EPHA2: variants seen among roughly 807,000 people sequenced by gnomAD.
The protein encoded by EPHA2 is EPH receptor A2, also known as ephrin type-A receptor 2.
EPHA2 carries 54 observed loss-of-function variants against 104.9 expected under a neutral mutation model. That is an observed-to-expected ratio of 0.51 (90% confidence interval 0.41 to 0.65). EPHA2 has a LOEUF of 0.65. Ranked by LOEUF, EPHA2 falls within the 30% of genes least tolerant of loss-of-function variation. The pLI is 0.00. For missense variants in EPHA2, 1,117 were observed against 1,369.5 expected (o/e 0.82, Z 2.91); for synonymous variants, 560 against 559.1 (o/e 1.00, Z -0.02).
Position 16,134,276 on chromosome 1 carries a change from C to T in EPHA2, c.1682+192G>A, listed in dbSNP as rs761283257. On this transcript the variant is annotated intron_variant, in intron 8 of 16. Coordinates refer to ENST00000358432, the MANE Select transcript of EPHA2 (RefSeq NM_004431.5). This position sits in a 1 kb window ranked among gnomAD's most constrained non-coding sequence, Gnocchi z 4.5. ...CAACAAGAGCAGAGGTAATGACCCC[C>T]GTGTCCCGGCCCCGCCGCGTGCCAG... 1.3e-5 allele frequency among the ~76,000 whole-genome samples: 2 copies of T among 152,098 alleles called. No homozygotes were observed. Among genetic ancestry groups the T allele is most frequent in the South Asian group, 2.1e-4 (1 of 4,820 alleles).
chr1:16,154,428 A>C (rs368809779), intron 1 of EPHA2, among the ~76,000 whole-genome samples: 20 of 152,188 alleles, frequency 1.3e-4, no homozygotes, highest in Middle Eastern at 3.4e-3. Context: ...ACAGAACAGC[A>C]AAACCTCCAA....
chr1:16,141,877 G>C (rs1016013207), intron 3 of EPHA2, among the ~76,000 whole-genome samples: 1 of 152,222 alleles, frequency 6.6e-6, no homozygotes, highest in Non-Finnish European at 1.5e-5. Flanking sequence ...CCTGCCTGAC[G>C]AGATGTGCTT....
In EPHA2 at chr1:16,133,329, G is replaced by T; in HGVS notation, c.1904C>A (p.Ser635Tyr). ...CACCGGCACCTCCTTCTTCCCCGAG[G>T]ATGTCTTCAGCATGCCCTTGTACAC... ...GEVYKGMLKT[S>Y]SGKKEVPVAI... is the part of the protein sequence containing the mutation. The change falls in exon 11 of 17, where the codon TCC becomes TAC. Residue 635 changes from serine to tyrosine, a missense_variant. Around this residue, in one of 3 missense-constraint regions of EPHA2, gnomAD observed 113 missense variants for 104.3 expected, o/e 1.08. Coordinates refer to ENST00000358432, the MANE Select transcript of EPHA2 (RefSeq NM_004431.5). 1.2e-6 allele frequency: 2 copies of T among 1,613,810 alleles called. No individual in the cohort carries two copies. Among genetic ancestry groups the T allele is most frequent in the Non-Finnish European group, 1.7e-6 (2 of 1,179,954 alleles).
At chr1:16,137,608 G>C (rs576970352) in intron 5 of EPHA2, among the ~76,000 whole-genome samples, 1 of 152,172 alleles carries the variant, frequency 6.6e-6, no homozygotes, top group African/African-American at 2.4e-5. Flanking sequence ...AAAAAAAAGG[G>C]AAAAATATTG....
At chr1:16,151,634 C>T (rs2025038955) in intron 1 of EPHA2, among the ~76,000 whole-genome samples, 1 of 152,160 alleles carries the variant, frequency 6.6e-6, no homozygotes, top group Non-Finnish European at 1.5e-5. Flanking sequence ...AGGATAAAGC[C>T]CTGGACCCAT....
Position 16,135,568 on chromosome 1 carries a change from G to T in EPHA2, c.1428+87C>A. ...CTGCAGAAGGGTGCTTCTTCAGATGGCTGGGTGGTTTGGTGATCATCTATG... is the reference window on the plus strand; with the variant it reads ...CTGCAGAAGGGTGCTTCTTCAGATGTCTGGGTGGTTTGGTGATCATCTATG... On this transcript the variant is annotated intron_variant, in intron 6 of 16. Transcript: ENST00000358432. This position sits in a 1 kb window ranked among gnomAD's most constrained non-coding sequence, Gnocchi z 4.3. 1 of 1,298,982 alleles carries T rather than the reference G, an allele frequency of 7.7e-7. No individual in the cohort carries two copies. The highest frequency in any genetic ancestry group is 1.1e-6 in the Non-Finnish European group (1 of 894,882). 80.5% of individuals were successfully genotyped at this position (1,298,982 alleles called of 1,614,324 possible). A position where few individuals can be genotyped will look rare whatever the true frequency, so the allele number is the denominator to read the frequency against.
At chr1:16,133,652 C>T (rs1479017768) in intron 9 of EPHA2, 46 bp from the exon 10 acceptor site, 2 of 1,611,714 alleles carry the variant, frequency 1.2e-6, no homozygotes, top group Non-Finnish European at 1.7e-6. Context: ...GGAGGGGCCC[C>T]ATGGGGGGTG....
At chr1:16,153,116 C>T in intron 1 of EPHA2, 2 of 943,660 alleles carry the variant, frequency 2.1e-6, no homozygotes, top group Non-Finnish European at 2.5e-6. Flanking sequence ...CCCTTACCTT[C>T]CCATTTCTGG....
intron 3 of EPHA2, among the ~76,000 whole-genome samples, chr1:16,147,308 G>A (rs1354852287): frequency 3.3e-5 from 5 of 152,242 alleles, no homozygotes; most frequent in Admixed American, 2.0e-4. Flanking sequence ...TGGCCCTGGG[G>A]ACATTCAGAC....
rs114580482 is a variant in EPHA2, at chr1:16,130,705, C to T, written c.2476-286G>A. 0.022 allele frequency among the ~76,000 whole-genome samples: 3,332 copies of T among 152,112 alleles called. 57 individuals are homozygous for T. The highest frequency in any genetic ancestry group is 0.032 in the Non-Finnish European group (2,183 of 67,988). ...AGTGCAGTGGCGCTATCACACCTCACGGCAGCCTCAACCTCCTGTGCTCAG... is the reference window on the plus strand; with the variant it reads ...AGTGCAGTGGCGCTATCACACCTCATGGCAGCCTCAACCTCCTGTGCTCAG... On this transcript the variant is annotated intron_variant, in intron 14 of 16. Coordinates refer to ENST00000358432, the MANE Select transcript of EPHA2 (RefSeq NM_004431.5). This position sits in a 1 kb window ranked among gnomAD's most constrained non-coding sequence, Gnocchi z 4.5.
intron 1 of EPHA2, chr1:16,153,348 G>A (rs945485687): frequency 1.0e-6 from 1 of 984,794 alleles, no homozygotes; most frequent in Non-Finnish European, 1.2e-6. Flanking sequence ...AAGGAAGCAG[G>A]GAGGTGGGGA....
At chr1:16,143,233 T>C (rs918643765) in intron 3 of EPHA2, among the ~76,000 whole-genome samples, 3 of 150,516 alleles carry the variant, frequency 2.0e-5, no homozygotes, top group African/African-American at 7.4e-5. Flanking sequence ...GAGGGGTGGA[T>C]GGATGGATGA....
intron 1 of EPHA2, among the ~76,000 whole-genome samples, chr1:16,151,789 C>T (rs2025042434): frequency 6.6e-6 from 1 of 152,174 alleles, no homozygotes; most frequent in Admixed American, 6.5e-5. Context: ...GGAATAAAAG[C>T]CCTTGTAGGG....
rs1470908379 is a variant in EPHA2, at chr1:16,134,338, A to G, written c.1682+130T>C. On this transcript the variant is annotated intron_variant, in intron 8 of 16. Coordinates refer to ENST00000358432, the MANE Select transcript of EPHA2 (RefSeq NM_004431.5). The surrounding 1 kb of genome is among the most constrained non-coding windows in gnomAD (Gnocchi z 4.5). ...CACACTCTAACTCGTATATCCTCGC[A>G]CCATCCGGAGGCAGGGATTAGACTC... The G allele has an allele frequency of 3.8e-6, 4 of 1,051,496 alleles. No homozygotes were observed. The African/African-American group carries it at 6.3e-5, about 17-fold the overall frequency. 65.1% of individuals were successfully genotyped at this position (1,051,496 alleles called of 1,614,324 possible).
chr1:16,138,344 C>T lies in EPHA2; in HGVS notation c.910G>A (p.Ala304Thr), dbSNP rs751043524. Residue 304 changes from alanine (A) to threonine (T), a missense_variant, in exon 4 of 17, where the codon GCC becomes ACC. By Grantham distance (58) the Ala-to-Thr change is moderately conservative. This residue lies in a region of EPHA2 where 664 missense variants were observed against 784.8 expected (regional missense o/e 0.85). Coordinates refer to ENST00000358432, the MANE Select transcript of EPHA2 (RefSeq NM_004431.5). ...PEHTLPSPEG[A>T]TSCECEEGFF... ...CCTTCCTCACACTCGCAGGAGGTGG[C>T]ACCCTCAGGGGATGGCAGCGTGTGC... The T allele has an allele frequency of 6.2e-7, 1 of 1,613,860 alleles. No individual in the cohort carries two copies. Among genetic ancestry groups the T allele is most frequent in the South Asian group, 1.1e-5 (1 of 91,070 alleles).
chr1:16,128,199 G>A lies in EPHA2; in HGVS notation c.2825+1235C>T, dbSNP rs576264722. On this transcript the variant is annotated intron_variant, in intron 16 of 16. Coordinates refer to ENST00000358432, the MANE Select transcript of EPHA2 (RefSeq NM_004431.5). The surrounding 1 kb of genome is among the most constrained non-coding windows in gnomAD (Gnocchi z 4.7). ...CCATCAAACTTGATCAAGGTCACCC[G>A]CTAGGAAGTGGCAGATGCGGGACTT... Among the ~76,000 whole-genome samples, 2 of 152,326 alleles carry A rather than the reference G, an allele frequency of 1.3e-5. No individual in the cohort carries two copies. Among genetic ancestry groups the A allele is most frequent in the East Asian group, 1.9e-4 (1 of 5,190 alleles).
rs2024747171 is a variant in EPHA2, at chr1:16,137,974, C to T, written c.1191G>A (p.Val397=). ...TGTGGGGCTCCAGGTCGCTCACTGT[C>T]ACACTGGTGCGGGTCAGTCCGTGAG... ...EPPHGLTRTS[V]TVSDLEPHMN... The change falls in exon 5 of 17, where the codon GTG becomes GTA. Residue 397 remains valine, a synonymous_variant. Transcript: ENST00000358432. The T allele has an allele frequency of 1.9e-6, 3 of 1,614,188 alleles. No individual in the cohort carries two copies. The East Asian group carries it at 6.7e-5, about 36-fold the overall frequency.
rs759780532 is a variant in EPHA2, at chr1:16,131,708, C to A, written c.2475+13G>T. On this transcript the variant is annotated intron_variant, in intron 14 of 16. Transcript: ENST00000358432. The surrounding 1 kb of genome is among the most constrained non-coding windows in gnomAD (Gnocchi z 5.2). ...CAGGTCCGGACAGGCCTGGGGAGGGCAAGGGCACCCACCTCGTGGTTGGAC... is the reference window on the plus strand; with the variant it reads ...CAGGTCCGGACAGGCCTGGGGAGGGAAAGGGCACCCACCTCGTGGTTGGAC... 12 of 1,613,878 alleles carry A rather than the reference C, an allele frequency of 7.4e-6. No homozygotes were observed. Among genetic ancestry groups the A allele is most frequent in the Non-Finnish European group, 1.0e-5 (12 of 1,180,020 alleles).
chr1:16,146,013 C>G (rs542203767), intron 3 of EPHA2, among the ~76,000 whole-genome samples: 1 of 152,210 alleles, frequency 6.6e-6, no homozygotes. Context: ...GCCCCTCGGA[C>G]GACACCCGTC....
Sources: allele counts gnomAD v4.1 joint callset (sites outside exome capture counted in the v4.1 genomes callset), GRCh38; gene constraint gnomAD v4.1.1; regional missense constraint gnomAD v4.1.1; non-coding constraint Gnocchi (gnomAD v3.1); transcripts MANE v1.5; gene names NCBI Gene and HGNC (gene_info 2026-07-23, HGNC 2026-07-21).